The following RAB38 variants were observed in gnomAD, a reference collection of about 807,000 sequenced individuals.
The protein encoded by RAB38 is ras-related protein Rab-38.
Under a neutral mutation model 18.4 loss-of-function variants are expected in RAB38, and 15 were observed. The observed-to-expected ratio is 0.82, with a 90% CI of 0.55 to 1.26. The LOEUF (loss-of-function observed/expected upper bound fraction) is 1.26, where lower values mean the gene tolerates loss of function less well. Among genes scored for constraint, RAB38 ranks in the 50% most tolerant of loss-of-function variants. The pLI is 0.00. For missense variants in RAB38, 294 were observed against 267.4 expected (o/e 1.10, Z -0.69); for synonymous variants, 101 against 104.4 (o/e 0.97, Z 0.20).
At chr11:88,120,802 G>A (rs901097351) in intron 2 of RAB38, among the ~76,000 whole-genome samples, 22 of 151,810 alleles carry the variant, frequency 1.4e-4, no homozygotes, top group East Asian at 5.8e-4. Context: ...AGGTCTCCCC[G>A]CTTACGTACC....
the RAB38 span, among the ~76,000 whole-genome samples, chr11:87,963,175 C>G: frequency 6.6e-6 from 1 of 152,084 alleles, no homozygotes; most frequent in South Asian, 2.1e-4. Context: ...GAATTTTCTA[C>G]CAACTCACAC....
At chr11:87,878,274 CTAT>C in the RAB38 span, among the ~76,000 whole-genome samples, 1 of 137,878 alleles carries the variant, frequency 7.3e-6, no homozygotes, top group Non-Finnish European at 1.6e-5. Context: ...ATCTATCTAT[CTAT>C]CTATCTATCT....
intron 2 of RAB38, among the ~76,000 whole-genome samples, chr11:88,142,157 C>T (rs1456071027): frequency 1.3e-5 from 2 of 152,202 alleles, no homozygotes; most frequent in Admixed American, 6.5e-5. Flanking sequence ...CTGAGAAAGA[C>T]TGCTGAGAAG....
chr11:88,075,313 C>A, the RAB38 span, among the ~76,000 whole-genome samples: 2 of 152,052 alleles, frequency 1.3e-5, no homozygotes, highest in Non-Finnish European at 2.9e-5. Context: ...CAAGTCTCAA[C>A]AAATTTTAAA....
At chr11:88,062,480 T>C in the RAB38 span, among the ~76,000 whole-genome samples, 1 of 152,240 alleles carries the variant, frequency 6.6e-6, no homozygotes, top group African/African-American at 2.4e-5. Context: ...GAGAACGGAC[T>C]AATACAAATA....
chr11:87,836,866 C>T, the RAB38 span, among the ~76,000 whole-genome samples: 1 of 152,102 alleles, frequency 6.6e-6, no homozygotes. Context: ...ACTTTAAATT[C>T]CCACTGTCTG....
At chr11:88,011,691 C>A in the RAB38 span, among the ~76,000 whole-genome samples, 1 of 152,122 alleles carries the variant, frequency 6.6e-6, no homozygotes, top group Admixed American at 6.6e-5. Context: ...TCATCTAAGT[C>A]TTTTTTATAA....
chr11:88,163,596 T>C (rs1182543113), intron 1 of RAB38, among the ~76,000 whole-genome samples: 2 of 152,140 alleles, frequency 1.3e-5, no homozygotes, highest in South Asian at 2.1e-4. Flanking sequence ...ATGAAGTATA[T>C]TGAATTAAGT....
the RAB38 span, among the ~76,000 whole-genome samples, chr11:88,018,135 C>T: frequency 9.9e-4 from 150 of 152,180 alleles, no homozygotes; most frequent in African/African-American, 3.4e-3. Context: ...TTACCAGCAG[C>T]GTAAAAACGG....
At chr11:87,924,880 G>A in the RAB38 span, among the ~76,000 whole-genome samples, 1 of 151,998 alleles carries the variant, frequency 6.6e-6, no homozygotes, top group South Asian at 2.1e-4. Context: ...TGTGTTGTGT[G>A]TATGTGTGTG....
At chr11:88,034,447 G>T in the RAB38 span, among the ~76,000 whole-genome samples, 1 of 152,202 alleles carries the variant, frequency 6.6e-6, no homozygotes, top group East Asian at 1.9e-4. Context: ...AAGAGTGGCT[G>T]TAACAGTTTA....
chr11:87,824,655 A>G, the RAB38 span, among the ~76,000 whole-genome samples: 12 of 152,282 alleles, frequency 7.9e-5, no homozygotes, highest in Middle Eastern at 3.4e-3. Flanking sequence ...AAATAATTAC[A>G]TAGAAGAATT....
chr11:88,009,672 G>C, the RAB38 span, among the ~76,000 whole-genome samples: 1 of 152,122 alleles, frequency 6.6e-6, no homozygotes, highest in Non-Finnish European at 1.5e-5. Context: ...AATACCAAAG[G>C]AGTAAAACAA....
At chr11:88,030,053 C>G in the RAB38 span, among the ~76,000 whole-genome samples, 4 of 152,104 alleles carry the variant, frequency 2.6e-5, no homozygotes, top group Non-Finnish European at 4.4e-5. Flanking sequence ...TGCAATCAAA[C>G]TAGAACTCAG....
the RAB38 span, among the ~76,000 whole-genome samples, chr11:87,915,719 A>C: frequency 1.3e-5 from 2 of 152,250 alleles, no homozygotes; most frequent in Middle Eastern, 6.8e-3. Flanking sequence ...TTACTCTCTT[A>C]ATAAACTTGC....
At chr11:87,942,079 G>GCAAC in the RAB38 span, among the ~76,000 whole-genome samples, 2 of 152,148 alleles carry the variant, frequency 1.3e-5, no homozygotes, top group African/African-American at 2.4e-5. Context: ...TTTACTGGCT[G>GCAAC]CAACCATATT....
chr11:87,957,155 TC>T, the RAB38 span, among the ~76,000 whole-genome samples: 2 of 152,090 alleles, frequency 1.3e-5, no homozygotes, highest in Admixed American at 1.3e-4. Context: ...ACAAATTGAT[TC>T]CCCCTTTGTC....
the RAB38 span, among the ~76,000 whole-genome samples, chr11:87,868,776 C>T: frequency 6.6e-6 from 1 of 151,796 alleles, no homozygotes; most frequent in African/African-American, 2.4e-5. Context: ...ACCCTGCCCC[C>T]ATCCTCTCTT....
chr11:88,097,877 A>G, the RAB38 span: 3 of 151,912 alleles, frequency 2.0e-5, no homozygotes, highest in Admixed American at 1.3e-4. Context: ...AGTAAAATGG[A>G]TGGATTTCAG....
Sources: gnomAD v4.1 joint callset for allele counts (sites outside exome capture counted in the v4.1 genomes callset) on GRCh38, gnomAD v4.1.1 for gene constraint, MANE v1.5 for transcripts, NCBI Gene and HGNC (gene_info 2026-07-23, HGNC 2026-07-21) for gene names.